Variants in C12orf42 observed in about 807,000 individuals in gnomAD.
C12orf42 encodes chromosome 12 open reading frame 42, also known as uncharacterized protein C12orf42.
Under a neutral mutation model 21.6 loss-of-function variants are expected in C12orf42, and 25 were observed. The observed-to-expected ratio is 1.16, with a 90% CI of 0.84 to 1.62. C12orf42 has a LOEUF of 1.62. Ranked by LOEUF, C12orf42 falls within the 40% of genes most tolerant of loss-of-function variation. The pLI is 0.00. For synonymous variants in C12orf42, 174 were observed against 175.0 expected (o/e 0.99, Z 0.05); for missense variants, 483 against 459.3 (o/e 1.05, Z -0.47).
intron 2 of C12orf42, among the ~76,000 whole-genome samples, chr12:103,442,384 C>T (rs979078977): frequency 6.6e-5 from 10 of 152,128 alleles, no homozygotes; most frequent in African/African-American, 2.4e-4. Flanking sequence ...ATGCACTGGA[C>T]AGCACAGATG....
At chr12:103,261,539 T>A (rs1165878200) in intron 10 of C12orf42, among the ~76,000 whole-genome samples, 1 of 151,726 alleles carries the variant, frequency 6.6e-6, no homozygotes, top group African/African-American at 2.4e-5. Context: ...GCAGGAACTA[T>A]TTTTCTGTTT....
the C12orf42 span, among the ~76,000 whole-genome samples, chr12:103,506,636 A>G: frequency 4.0e-5 from 6 of 150,450 alleles, no homozygotes; most frequent in Admixed American, 2.7e-4. Context: ...AGTACAATCT[A>G]TGATGTTCAG....
intron 4 of C12orf42, among the ~76,000 whole-genome samples, chr12:103,314,151 C>A (rs1481333112): frequency 6.6e-6 from 1 of 151,702 alleles, no homozygotes; most frequent in Non-Finnish European, 1.5e-5. Context: ...GTTTTCAGAA[C>A]TGAGAGCAGC....
chr12:103,203,169 G>A, the C12orf42 span, among the ~76,000 whole-genome samples: 1 of 152,152 alleles, frequency 6.6e-6, no homozygotes, highest in Non-Finnish European at 1.5e-5. Flanking sequence ...TCAAGATGTG[G>A]TTGTCTGAAG....
the C12orf42 span, among the ~76,000 whole-genome samples, chr12:103,528,187 T>C: frequency 1.3e-5 from 2 of 152,176 alleles, no homozygotes; most frequent in African/African-American, 4.8e-5. Context: ...GGGATAGATA[T>C]AGACATAGAT....
intron 10 of C12orf42, among the ~76,000 whole-genome samples, chr12:103,248,098 G>A (rs1021341862): frequency 3.3e-5 from 5 of 151,926 alleles, no homozygotes; most frequent in African/African-American, 2.4e-5. Context: ...AATCACTGTG[G>A]TGCACTTCTT....
chr12:103,102,620 A>G, the C12orf42 span, among the ~76,000 whole-genome samples: 6 of 152,262 alleles, frequency 3.9e-5, no homozygotes, highest in African/African-American at 1.4e-4. Flanking sequence ...AAAGCTTAAA[A>G]TAAAACAGAA....
chr12:103,209,456 G>C, the C12orf42 span, among the ~76,000 whole-genome samples: 1 of 152,162 alleles, frequency 6.6e-6, no homozygotes, highest in Non-Finnish European at 1.5e-5. Flanking sequence ...TTTCAGCAAA[G>C]TTTCCTTCTC....
intron 4 of C12orf42, among the ~76,000 whole-genome samples, chr12:103,295,470 C>T (rs550705181): frequency 5.9e-5 from 9 of 151,884 alleles, no homozygotes; most frequent in Admixed American, 1.3e-4. Flanking sequence ...GTAATCTTTG[C>T]GAGCATGAGT....
chr12:103,432,877 A>T (rs1033111410), intron 2 of C12orf42, among the ~76,000 whole-genome samples: 8 of 152,040 alleles, frequency 5.3e-5, no homozygotes, highest in Admixed American at 3.9e-4. Context: ...TTGATCTCGG[A>T]CTCCCAGCCT....
At chr12:103,350,266 G>T (rs922226012) in intron 4 of C12orf42, among the ~76,000 whole-genome samples, 12 of 152,240 alleles carry the variant, frequency 7.9e-5, no homozygotes, top group African/African-American at 2.6e-4. Flanking sequence ...ATTCTGAAAA[G>T]CATGATGAAA....
chr12:103,370,407 C>T (rs1456560329), intron 3 of C12orf42, among the ~76,000 whole-genome samples: 1 of 152,102 alleles, frequency 6.6e-6, no homozygotes, highest in Admixed American at 6.6e-5. Context: ...ATAAATCATT[C>T]TAACATAAAG....
the C12orf42 span, among the ~76,000 whole-genome samples, chr12:103,531,954 G>T: frequency 1.3e-5 from 2 of 152,102 alleles, no homozygotes; most frequent in African/African-American, 4.8e-5. Context: ...CTGTTTTTAA[G>T]ACCAAATGAT....
chr12:103,287,720 A>C (rs1407983585), intron 4 of C12orf42, among the ~76,000 whole-genome samples: 3 of 151,442 alleles, frequency 2.0e-5, no homozygotes, highest in Non-Finnish European at 4.4e-5. Flanking sequence ...AAAAAAAAAA[A>C]CAAAAAAAAG....
At chr12:103,271,217 C>T (rs1465295753) in intron 5 of C12orf42, among the ~76,000 whole-genome samples, 1 of 152,090 alleles carries the variant, frequency 6.6e-6, no homozygotes, top group Non-Finnish European at 1.5e-5. Context: ...TCGTGTGCAC[C>T]CTAAGCTAAG....
chr12:103,115,549 T>C, the C12orf42 span, among the ~76,000 whole-genome samples: 1 of 152,250 alleles, frequency 6.6e-6, no homozygotes, highest in African/African-American at 2.4e-5. Flanking sequence ...AGTTTTGGCC[T>C]TAGTACTCAT....
intron 4 of C12orf42, among the ~76,000 whole-genome samples, chr12:103,318,550 A>G (rs2039766005): frequency 6.6e-6 from 1 of 152,232 alleles, no homozygotes. Context: ...TCTGTCAGGT[A>G]GAAAATGGCA....
At chr12:103,542,888 A>G in the C12orf42 span, among the ~76,000 whole-genome samples, 1 of 152,238 alleles carries the variant, frequency 6.6e-6, no homozygotes, top group Non-Finnish European at 1.5e-5. Flanking sequence ...TGCAGCAGAG[A>G]AAGACACTGA....
intron 5 of C12orf42, chr12:103,270,275 G>A (rs943077142): frequency 6.6e-6 from 1 of 150,760 alleles, no homozygotes; most frequent in Non-Finnish European, 1.5e-5. Context: ...GGATCAGGAG[G>A]AGTTTACAGG....
Sources: gnomAD v4.1 joint callset for allele counts (sites outside exome capture counted in the v4.1 genomes callset) on GRCh38, gnomAD v4.1.1 for gene constraint, MANE v1.5 for transcripts, NCBI Gene and HGNC (gene_info 2026-07-23, HGNC 2026-07-21) for gene names.